Variants in EDIL3 observed in about 807,000 individuals in gnomAD.
EDIL3 encodes EGF like and discoidin domains 3.
A neutral mutation model predicts 67.4 loss-of-function variants in EDIL3; 37 were observed. That is an observed-to-expected ratio of 0.55 (90% CI 0.42 to 0.72). EDIL3 has a LOEUF of 0.72. Ranked by LOEUF, EDIL3 falls within the 30% of genes least tolerant of loss-of-function variation. The probability of loss-of-function intolerance (pLI) is 0.00; values close to 1 mark genes in which losing one functional copy is unlikely to be tolerated. For missense variants in EDIL3, 527 were observed against 586.3 expected, an observed-to-expected ratio of 0.90 and a Z score of 1.04; for synonymous variants, 195 against 196.3, an observed-to-expected ratio of 0.99 and a Z score of 0.05.
intron 9 of EDIL3, among the ~76,000 whole-genome samples, chr5:83,985,165 G>A (rs1413786655): frequency 6.6e-6 from 1 of 151,172 alleles, no homozygotes. Flanking sequence ...CATGCTAATC[G>A]TATGCTATAT....
At chr5:84,340,687 C>T (rs1423865661) in intron 1 of EDIL3, among the ~76,000 whole-genome samples, 1 of 151,258 alleles carries the variant, frequency 6.6e-6, no homozygotes, top group East Asian at 1.9e-4. Context: ...TTGCATTGTT[C>T]CCTCACACCT....
chr5:84,055,344 C>T (rs1173671953), intron 9 of EDIL3, among the ~76,000 whole-genome samples: 1 of 146,338 alleles, frequency 6.8e-6, no homozygotes, highest in Non-Finnish European at 1.5e-5. Context: ...AGACCTAAAA[C>T]CATAAAAACC....
chr5:84,019,779 T>C (rs942724136), intron 9 of EDIL3, among the ~76,000 whole-genome samples: 14 of 152,210 alleles, frequency 9.2e-5, no homozygotes, highest in Admixed American at 7.9e-4. Flanking sequence ...ACCTGTTTTC[T>C]AATTAGGTAA....
chr5:84,158,861 A>C (rs1748539959), intron 4 of EDIL3, among the ~76,000 whole-genome samples: 1 of 152,024 alleles, frequency 6.6e-6, no homozygotes, highest in South Asian at 2.1e-4. Flanking sequence ...CTGTCATTTC[A>C]TGTTTTGGTG....
At chr5:84,124,688 C>CA (rs35142512) in intron 5 of EDIL3, among the ~76,000 whole-genome samples, 36,542 of 150,136 alleles carry the variant, frequency 0.24, 4,613 homozygotes, top group East Asian at 0.33. Context: ...ACCCAAGGAA[C>CA]AAAAAAAAAT....
intron 1 of EDIL3, among the ~76,000 whole-genome samples, chr5:84,326,013 T>G (rs941414234): frequency 1.3e-5 from 2 of 152,116 alleles, no homozygotes; most frequent in African/African-American, 2.4e-5. Context: ...GACCTTTAAG[T>G]GGCTGATTAG....
At chr5:84,328,133 T>C (rs1469919596) in intron 1 of EDIL3, among the ~76,000 whole-genome samples, 1 of 152,034 alleles carries the variant, frequency 6.6e-6, no homozygotes, top group Non-Finnish European at 1.5e-5. Flanking sequence ...TTAGAAAAAG[T>C]TGAATAACAT....
intron 9 of EDIL3, among the ~76,000 whole-genome samples, chr5:83,983,759 T>C (rs1381684715): frequency 1.1e-4 from 17 of 150,612 alleles, no homozygotes; most frequent in Non-Finnish European, 2.4e-4. Context: ...TTTTTTTTTT[T>C]CACTGTTCAT....
intron 3 of EDIL3, among the ~76,000 whole-genome samples, chr5:84,228,504 C>T (rs1744496011): frequency 6.6e-6 from 1 of 152,052 alleles, no homozygotes; most frequent in Non-Finnish European, 1.5e-5. Context: ...ACAGGCTACA[C>T]AATACTGCCT....
At chr5:84,154,579 T>C (rs929411781) in intron 4 of EDIL3, among the ~76,000 whole-genome samples, 19 of 142,316 alleles carry the variant, frequency 1.3e-4, no homozygotes, top group African/African-American at 5.3e-4. Context: ...GAATATTTAA[T>C]TTTTTTTTTT....
chr5:84,165,762 G>A (rs951119235), intron 4 of EDIL3, among the ~76,000 whole-genome samples: 1 of 152,120 alleles, frequency 6.6e-6, no homozygotes, highest in Admixed American at 6.6e-5. Flanking sequence ...CACGTGCAAG[G>A]TAACATTAAC....
chr5:84,025,846 TGG>T (rs1367912537), intron 9 of EDIL3, among the ~76,000 whole-genome samples: 1 of 152,104 alleles, frequency 6.6e-6, no homozygotes, highest in Non-Finnish European at 1.5e-5. Flanking sequence ...CACACAAGAG[TGG>T]GCCTTTGCCA....
intron 1 of EDIL3, among the ~76,000 whole-genome samples, chr5:84,291,461 C>A (rs1226825913): frequency 6.6e-6 from 1 of 151,644 alleles, no homozygotes; most frequent in Non-Finnish European, 1.5e-5. Flanking sequence ...AACAAAACAA[C>A]CCTGAAAGGT....
intron 10 of EDIL3, among the ~76,000 whole-genome samples, chr5:83,959,726 T>A (rs891537375): frequency 1.8e-4 from 27 of 150,760 alleles, no homozygotes; most frequent in Non-Finnish European, 1.6e-4. Context: ...TTAGAAAAAA[T>A]TAATTGCTAA....
chr5:84,284,422 G>A (rs1182879924), intron 1 of EDIL3, among the ~76,000 whole-genome samples: 3 of 151,864 alleles, frequency 2.0e-5, no homozygotes, highest in Non-Finnish European at 1.5e-5. Flanking sequence ...CCTATTTACT[G>A]GTCCCCTGTG....
chr5:84,076,718 T>G (rs1746863672), intron 6 of EDIL3, among the ~76,000 whole-genome samples: 1 of 152,232 alleles, frequency 6.6e-6, no homozygotes, highest in Non-Finnish European at 1.5e-5. Context: ...TCCAATTTTA[T>G]AACTAGCAAC....
intron 9 of EDIL3, among the ~76,000 whole-genome samples, chr5:83,990,986 T>G (rs886266398): frequency 6.6e-6 from 1 of 152,212 alleles, no homozygotes; most frequent in East Asian, 1.9e-4. Flanking sequence ...GTGTAAGAGT[T>G]TTTGCATTAT....
chr5:84,204,238 T>A (rs376797873), intron 3 of EDIL3, among the ~76,000 whole-genome samples: 23 of 152,180 alleles, frequency 1.5e-4, no homozygotes, highest in Admixed American at 3.9e-4. Context: ...ACCCTGTTAG[T>A]CAAATTTACT....
intron 6 of EDIL3, among the ~76,000 whole-genome samples, chr5:84,068,747 A>G (rs1746685294): frequency 6.6e-6 from 1 of 152,180 alleles, no homozygotes; most frequent in Non-Finnish European, 1.5e-5. Context: ...AGTTTTAGTA[A>G]TTACAGGTTT....
Sources: gnomAD v4.1 joint callset for allele counts (sites outside exome capture counted in the v4.1 genomes callset) on GRCh38, gnomAD v4.1.1 for gene constraint, MANE v1.5 for transcripts, NCBI Gene and HGNC (gene_info 2026-07-23, HGNC 2026-07-21) for gene names.